The following USP24 variants were observed in gnomAD, a reference collection of about 807,000 sequenced individuals.
USP24 encodes ubiquitin specific peptidase 24.
Under a neutral mutation model 361.6 loss-of-function variants are expected in USP24, and 97 were observed. That is an observed-to-expected ratio of 0.27 (90% CI 0.23 to 0.32). The LOEUF (loss-of-function observed/expected upper bound fraction) is 0.32, where lower values mean the gene tolerates loss of function less well. Ranked by LOEUF, USP24 falls within the 10% of genes least tolerant of loss-of-function variation. USP24 has a pLI of 1.00. For synonymous variants in USP24, 1,098 were observed against 1,124.6 expected, an observed-to-expected ratio of 0.98 and a Z score of 0.47; for missense variants, 2,353 against 3,165.6, an observed-to-expected ratio of 0.74 and a Z score of 6.16.
intron 38 of USP24, among the ~76,000 whole-genome samples, chr1:55,116,784 C>T (rs1425709007): frequency 6.6e-6 from 1 of 151,880 alleles, no homozygotes; most frequent in African/African-American, 2.4e-5. Flanking sequence ...AAAGAATTAC[C>T]ACCAAGTCTT....
chr1:55,164,679 A>G (rs150543925), intron 7 of USP24, among the ~76,000 whole-genome samples: 1,814 of 152,182 alleles, frequency 0.012, 40 homozygotes, highest in African/African-American at 0.042. Flanking sequence ...CCTTATGGAA[A>G]AATCTTGCAA....
At chr1:55,200,801 T>TA (rs1644549965) in intron 1 of USP24, among the ~76,000 whole-genome samples, 1 of 152,210 alleles carries the variant, frequency 6.6e-6, no homozygotes, top group Admixed American at 6.5e-5. Flanking sequence ...CTAAGTGATG[T>TA]AACAAAACTA....
At chr1:55,189,064 T>C (rs990245238) in intron 1 of USP24, among the ~76,000 whole-genome samples, 13 of 149,534 alleles carry the variant, frequency 8.7e-5, no homozygotes, top group Admixed American at 8.0e-4. Context: ...TGATTGATTA[T>C]AAAATGGGGC....
chr1:55,198,499 T>C (rs1326903083), intron 1 of USP24, among the ~76,000 whole-genome samples: 1 of 152,238 alleles, frequency 6.6e-6, no homozygotes, highest in African/African-American at 2.4e-5. Context: ...TTCTTAACCT[T>C]GTTTCTACTG....
At chr1:55,109,075 G>A (rs1053058622) in intron 39 of USP24, among the ~76,000 whole-genome samples, 8 of 152,172 alleles carry the variant, frequency 5.3e-5, no homozygotes, top group Non-Finnish European at 7.3e-5. Context: ...TGCAACCTCT[G>A]CCTCCTGGGT....
chr1:55,164,890 G>T (rs903107026), intron 7 of USP24, among the ~76,000 whole-genome samples: 19 of 151,658 alleles, frequency 1.3e-4, no homozygotes, highest in Non-Finnish European at 2.5e-4. Context: ...ACTCAATGAA[G>T]TCCTTTCCAA....
intron 3 of USP24, among the ~76,000 whole-genome samples, chr1:55,175,082 T>C (rs1273818096): frequency 6.6e-6 from 1 of 152,006 alleles, no homozygotes; most frequent in Admixed American, 6.5e-5. Flanking sequence ...TCTCCATTTT[T>C]TAAAAAATGA....
intron 41 of USP24, 143 bp downstream of exon 41, chr1:55,106,003 T>C (rs556428923): frequency 3.6e-4 from 256 of 719,434 alleles, no homozygotes; most frequent in Admixed American, 1.3e-3. Context: ...AGCCGCTTCA[T>C]GTGCATTTCT....
chr1:55,133,062 C>T (rs548488713), intron 30 of USP24, among the ~76,000 whole-genome samples: 2 of 152,198 alleles, frequency 1.3e-5, no homozygotes, highest in South Asian at 4.1e-4. Context: ...ATCTGTTAAG[C>T]TAATACTAGT....
rs113720345 is a variant in USP24, at chr1:55,104,008, C to T, written c.4893G>A (p.Ala1631=). ...CTTCATAGGCTGCCAATCGGCTATT[C>T]GCTGTACTACACCTAGAAACAAAAG... ...QQDFHPKCST[A]NSRLAAYEVL... The change falls in exon 42 of 68, where the codon GCG becomes GCA. Residue 1631 remains alanine (A), a synonymous_variant. Transcript: ENST00000294383. The T allele has an allele frequency of 4.2e-4, 679 of 1,608,180 alleles. No homozygotes were observed. In the African/African-American group the frequency reaches 6.4e-3, roughly 15 times the overall value.
chr1:55,085,898 G>A (rs1374298759), intron 56 of USP24, 44 bp downstream of exon 56: 9 of 1,572,316 alleles, frequency 5.7e-6, no homozygotes, highest in Non-Finnish European at 6.1e-6. Flanking sequence ...AAAACATTTG[G>A]TAAAAACACA....
chr1:55,132,433 C>T lies in USP24; in HGVS notation c.3537+112G>A, dbSNP rs1029430083. On this transcript the variant is annotated intron_variant, in intron 31 of 67. Transcript: ENST00000294383. ...TCTATTTCTTAAAACTAATTTTCAA[C>T]CAATCATCACATAACAGAAACCTAT... 40 of 1,272,414 alleles carry T rather than the reference C, an allele frequency of 3.1e-5. No homozygotes were observed. The South Asian group carries it at 7.3e-4, about 23-fold the overall frequency. The allele number at this position is 1,272,414 out of a possible 1,614,324, so 78.8% of individuals were successfully genotyped here. A position where few individuals can be genotyped will look rare whatever the true frequency, so the allele number is the denominator to read the frequency against.
chr1:55,121,526 G>T lies in USP24; in HGVS notation c.4277-20C>A. On this transcript the variant is annotated intron_variant, in intron 36 of 67. Transcript: ENST00000294383. The stretch of plus-strand genomic sequence containing the variant: ...AAGATGCTAATAAGAAGAAATGGGG[G>T]ATGTGGGTGTGTGAAACAAGTTAGG... 1 of 1,603,994 alleles carries T rather than the reference G, an allele frequency of 6.2e-7. No homozygotes were observed. Among genetic ancestry groups the T allele is most frequent in the Non-Finnish European group, 8.5e-7 (1 of 1,174,218 alleles).
chr1:55,206,392 G>A (rs527254097), intron 1 of USP24, among the ~76,000 whole-genome samples: 6 of 152,248 alleles, frequency 3.9e-5, no homozygotes, highest in East Asian at 1.9e-4. Context: ...CTTGAAGAAC[G>A]ACTTAGTGTT....
At chr1:55,101,941 GTATT>G (rs1304864813) in intron 42 of USP24, among the ~76,000 whole-genome samples, 1 of 152,126 alleles carries the variant, frequency 6.6e-6, no homozygotes, top group Non-Finnish European at 1.5e-5. Context: ...AGATAGGTGT[GTATT>G]TGTTTATTTA....
chr1:55,083,443 A>C (rs1645191094), intron 57 of USP24, 79 bp from the exon 58 acceptor site: 1 of 1,259,950 alleles, frequency 7.9e-7, no homozygotes, highest in African/African-American at 1.5e-5. Context: ...CTAAATGGAA[A>C]GTTTTAAGGA....
intron 1 of USP24, among the ~76,000 whole-genome samples, chr1:55,211,140 T>C (rs948751171): frequency 6.6e-6 from 1 of 152,160 alleles, no homozygotes; most frequent in African/African-American, 2.4e-5. Flanking sequence ...AACCAATTGG[T>C]ACGCACTTGG....
intron 39 of USP24, among the ~76,000 whole-genome samples, chr1:55,109,877 A>G (rs966447350): frequency 6.6e-6 from 1 of 152,242 alleles, no homozygotes; most frequent in Non-Finnish European, 1.5e-5. Context: ...CTTTAAAATT[A>G]TAACAGACTA....
chr1:55,189,199 A>ATGG (rs1644221395), intron 1 of USP24, among the ~76,000 whole-genome samples: 1 of 152,206 alleles, frequency 6.6e-6, no homozygotes, highest in East Asian at 1.9e-4. Context: ...AAACACGTAT[A>ATGG]CATGAGTGTT....
Sources: allele counts gnomAD v4.1 joint callset (sites outside exome capture counted in the v4.1 genomes callset), GRCh38; gene constraint gnomAD v4.1.1; transcripts MANE v1.5; gene names NCBI Gene and HGNC (gene_info 2026-07-23, HGNC 2026-07-21).